The following VTI1A variants were observed in gnomAD, a reference collection of about 807,000 sequenced individuals.
The protein encoded by VTI1A is vesicle transport through interaction with t-SNAREs homolog 1A.
VTI1A carries 22 observed loss-of-function variants against 34.9 expected under a neutral mutation model. That is an observed-to-expected ratio of 0.63 (90% CI 0.45 to 0.90). VTI1A has a LOEUF of 0.90. Among genes scored for constraint, VTI1A ranks in the 40% least tolerant of loss-of-function variants. The pLI, the probability that VTI1A is intolerant of heterozygous loss-of-function variation, is 0.00. For synonymous variants in VTI1A, 87 were observed against 97.3 expected, an observed-to-expected ratio of 0.89 and a Z score of 0.62; for missense variants, 268 against 275.6, an observed-to-expected ratio of 0.97 and a Z score of 0.20.
chr10:112,505,472 TTC>T (rs1849395196), intron 3 of VTI1A, among the ~76,000 whole-genome samples: 1 of 152,250 alleles, frequency 6.6e-6, no homozygotes, highest in Non-Finnish European at 1.5e-5. Context: ...TGCTTCTAAC[TTC>T]TTTTACTAAT....
chr10:112,685,661 GTT>G (rs35366604), intron 7 of VTI1A, among the ~76,000 whole-genome samples: 6 of 151,808 alleles, frequency 4.0e-5, no homozygotes, highest in Non-Finnish European at 7.4e-5. Context: ...GGATGTTGTT[GTT>G]TTTTTCCCCC....
chr10:112,530,886 G>A (rs1403935838), intron 4 of VTI1A, among the ~76,000 whole-genome samples: 1 of 152,126 alleles, frequency 6.6e-6, no homozygotes, highest in East Asian at 1.9e-4. Context: ...AGGGTTTATA[G>A]CAAAATAAAT....
At chr10:112,664,302 T>C (rs1396362635) in intron 5 of VTI1A, among the ~76,000 whole-genome samples, 1 of 152,206 alleles carries the variant, frequency 6.6e-6, no homozygotes, top group Non-Finnish European at 1.5e-5. Flanking sequence ...TCAGCCAGTT[T>C]ATAACATGAT....
At chr10:112,656,195 G>A (rs914627387) in intron 5 of VTI1A, among the ~76,000 whole-genome samples, 1 of 152,164 alleles carries the variant, frequency 6.6e-6, no homozygotes, top group African/African-American at 2.4e-5. Flanking sequence ...GAGAGGGTTT[G>A]TTGCAAGGTG....
intron 7 of VTI1A, among the ~76,000 whole-genome samples, chr10:112,691,963 C>T (rs1179867741): frequency 6.6e-6 from 1 of 152,216 alleles, no homozygotes; most frequent in Non-Finnish European, 1.5e-5. Flanking sequence ...AGCCAGTCCA[C>T]ATATCTTCAA....
At chr10:112,700,683 T>C (rs983534467) in intron 7 of VTI1A, among the ~76,000 whole-genome samples, 1 of 152,200 alleles carries the variant, frequency 6.6e-6, no homozygotes, top group African/African-American at 2.4e-5. Flanking sequence ...ACCATAGCTA[T>C]TGTATAAGTC....
intron 3 of VTI1A, among the ~76,000 whole-genome samples, chr10:112,486,213 T>G (rs903258680): frequency 2.0e-5 from 3 of 152,066 alleles, no homozygotes; most frequent in African/African-American, 4.8e-5. Flanking sequence ...AGCAATGGGG[T>G]GGACTGGAAA....
intron 5 of VTI1A, among the ~76,000 whole-genome samples, chr10:112,633,602 C>T (rs942134374): frequency 6.6e-6 from 1 of 152,132 alleles, no homozygotes; most frequent in African/African-American, 2.4e-5. Context: ...TGGAGAAAAG[C>T]AGTGGTGAGG....
intron 3 of VTI1A, among the ~76,000 whole-genome samples, chr10:112,484,712 A>G (rs1438672321): frequency 6.6e-6 from 1 of 152,118 alleles, no homozygotes; most frequent in East Asian, 1.9e-4. Flanking sequence ...TGCTGTACAT[A>G]GTAGCTGTTC....
intron 7 of VTI1A, among the ~76,000 whole-genome samples, chr10:112,728,004 G>A (rs2133952233): frequency 6.6e-6 from 1 of 152,192 alleles, no homozygotes; most frequent in East Asian, 1.9e-4. Flanking sequence ...ATACCCAGTA[G>A]GGTCCATTCC....
intron 1 of VTI1A, among the ~76,000 whole-genome samples, chr10:112,453,287 G>C (rs2419632): frequency 0.99 from 150,633 of 152,330 alleles, 74,477 homozygotes; most frequent in East Asian, 1. Context: ...CCTTTATCAC[G>C]TGGCTGAGGT....
At chr10:112,743,056 G>GTC (rs1850752476) in intron 7 of VTI1A, among the ~76,000 whole-genome samples, 2 of 143,400 alleles carry the variant, frequency 1.4e-5, no homozygotes, top group South Asian at 4.4e-4. Context: ...GTGTGTGTGT[G>GTC]TCTTCCTGAA....
At chr10:112,853,026 C>T in the VTI1A span, among the ~76,000 whole-genome samples, 1 of 152,134 alleles carries the variant, frequency 6.6e-6, no homozygotes, top group Non-Finnish European at 1.5e-5. Flanking sequence ...CCTCGTGATC[C>T]ACCTGCCTTG....
intron 7 of VTI1A, among the ~76,000 whole-genome samples, chr10:112,789,061 A>C (rs1295555113): frequency 6.6e-6 from 1 of 152,220 alleles, no homozygotes; most frequent in Non-Finnish European, 1.5e-5. Context: ...TGGTTTTTAA[A>C]GAAATTAAGG....
intron 3 of VTI1A, among the ~76,000 whole-genome samples, chr10:112,520,350 A>G (rs1849968650): frequency 6.6e-6 from 1 of 152,064 alleles, no homozygotes; most frequent in Non-Finnish European, 1.5e-5. Context: ...ATAAACTGCA[A>G]GCATATGCAA....
chr10:112,765,710 T>C (rs926018786), intron 7 of VTI1A, among the ~76,000 whole-genome samples: 7 of 152,200 alleles, frequency 4.6e-5, no homozygotes, highest in Non-Finnish European at 7.3e-5. Context: ...ATGACTGTTA[T>C]GAAGGAGAGC....
At chr10:112,774,233 GGA>G (rs1267950600) in intron 7 of VTI1A, among the ~76,000 whole-genome samples, 1 of 152,184 alleles carries the variant, frequency 6.6e-6, no homozygotes, top group Admixed American at 6.5e-5. Context: ...ATTTTGTTGG[GGA>G]GAGAGAGGCC....
At chr10:112,536,612 A>T (rs1340002951) in intron 4 of VTI1A, among the ~76,000 whole-genome samples, 1 of 150,406 alleles carries the variant, frequency 6.6e-6, no homozygotes, top group African/African-American at 2.4e-5. Context: ...GAGGGAGGGG[A>T]CAATTTTTCT....
chr10:112,618,524 T>TATATATAGAGAGAG (rs748276058), intron 5 of VTI1A, among the ~76,000 whole-genome samples: 22 of 34,584 alleles, frequency 6.4e-4, no homozygotes, highest in South Asian at 1.6e-3. Context: ...TATATATATA[T>TATATATAGAGAGAG]AGAGAGAGAG....
Sources: gnomAD v4.1 joint callset for allele counts (sites outside exome capture counted in the v4.1 genomes callset) on GRCh38, gnomAD v4.1.1 for gene constraint, MANE v1.5 for transcripts, NCBI Gene and HGNC (gene_info 2026-07-23, HGNC 2026-07-21) for gene names.